Variants in POTEC observed in about 807,000 individuals in gnomAD.
The protein encoded by POTEC is ANKRD26-like family B member 2.
Under a neutral mutation model 62.0 loss-of-function variants are expected in POTEC, and 35 were observed. That is an observed-to-expected ratio of 0.56 (90% CI 0.43 to 0.75). The LOEUF (loss-of-function observed/expected upper bound fraction) is 0.75, where lower values mean the gene tolerates loss of function less well. POTEC is among the 30% of genes least tolerant of loss of function. The probability of loss-of-function intolerance (pLI) is 0.00; values close to 1 mark genes in which losing one functional copy is unlikely to be tolerated. For synonymous variants in POTEC, 156 were observed against 221.5 expected, an observed-to-expected ratio of 0.70 and a Z score of 2.62; for missense variants, 472 against 655.9, an observed-to-expected ratio of 0.72 and a Z score of 3.06.
chr18:14,536,784 A>C (rs1163927953), intron 3 of POTEC, among the ~76,000 whole-genome samples: 1 of 152,154 alleles, frequency 6.6e-6, no homozygotes, highest in Non-Finnish European at 1.5e-5. Context: ...TCATTTGCTG[A>C]AAACACCACA....
intron 9 of POTEC, among the ~76,000 whole-genome samples, 176 bp downstream of exon 9, chr18:14,522,078 T>C (rs1053826894): frequency 4.1e-4 from 62 of 151,318 alleles, no homozygotes; most frequent in African/African-American, 1.4e-3. Context: ...TTCAAATAAA[T>C]TAATGACTGG....
At chr18:14,513,551 A>ACG in intron 10 of POTEC, 111 bp downstream of exon 10, 2 of 1,485,350 alleles carry the variant, frequency 1.3e-6, no homozygotes, top group South Asian at 1.3e-5. Flanking sequence ...ACACACACAC[A>ACG]CACACACGTG....
chr18:14,530,578 A>G (rs1408911824), intron 5 of POTEC, 25 bp from the exon 6 acceptor site: 1 of 1,491,030 alleles, frequency 6.7e-7, no homozygotes, highest in South Asian at 1.2e-5. Context: ...GTAATAAACC[A>G]AATTACTATT....
intron 6 of POTEC, 89 bp downstream of exon 6, chr18:14,530,394 T>C: frequency 6.3e-7 from 1 of 1,585,626 alleles, no homozygotes; most frequent in Non-Finnish European, 8.6e-7. Context: ...CCCCAGCCCA[T>C]GGAAACACTG....
intron 6 of POTEC, among the ~76,000 whole-genome samples, chr18:14,526,928 C>A (rs1333680369): frequency 6.6e-6 from 1 of 152,044 alleles, no homozygotes; most frequent in African/African-American, 2.4e-5. Context: ...GTGGACACAG[C>A]TGAGATGATA....
chr18:14,532,511 AG>A (rs1905559070), intron 5 of POTEC, among the ~76,000 whole-genome samples: 1 of 152,196 alleles, frequency 6.6e-6, no homozygotes, highest in Non-Finnish European at 1.5e-5. Flanking sequence ...AACAATTACC[AG>A]GCAGCAGAAC....
intron 9 of POTEC, among the ~76,000 whole-genome samples, chr18:14,516,580 A>G (rs1186739818): frequency 6.9e-6 from 1 of 144,310 alleles, no homozygotes; most frequent in African/African-American, 2.7e-5. Flanking sequence ...CCATGATCCA[A>G]TACCTCCCAG....
intron 6 of POTEC, among the ~76,000 whole-genome samples, chr18:14,528,635 C>T (rs1177631769): frequency 6.6e-6 from 1 of 151,930 alleles, no homozygotes; most frequent in African/African-American, 2.4e-5. Flanking sequence ...GCCAACAGCA[C>T]AGCTGAAAGA....
chr18:14,529,170 T>C, intron 6 of POTEC: 1 of 337,592 alleles, frequency 3.0e-6, no homozygotes, highest in Non-Finnish European at 5.8e-6. Flanking sequence ...ATTATAAGCT[T>C]CCAGTGGGCA....
chr18:14,520,929 C>A (rs996583338), intron 9 of POTEC, among the ~76,000 whole-genome samples: 6 of 152,066 alleles, frequency 3.9e-5, no homozygotes, highest in African/African-American at 1.4e-4. Context: ...GAGCTGTGAT[C>A]ACACAATTGC....
intron 1 of POTEC, among the ~76,000 whole-genome samples, chr18:14,541,715 T>G (rs1220654792): frequency 1.3e-5 from 2 of 152,034 alleles, no homozygotes; most frequent in Admixed American, 1.3e-4. Flanking sequence ...TTTGTATCTT[T>G]AAAATTTTTA....
At chr18:14,517,364 T>C (rs1380460161) in intron 9 of POTEC, among the ~76,000 whole-genome samples, 5 of 152,212 alleles carry the variant, frequency 3.3e-5, no homozygotes, top group African/African-American at 7.2e-5. Flanking sequence ...CCAATATCAA[T>C]GTGAGCAGCT....
At chr18:14,539,531 T>C (rs1365828735) in intron 1 of POTEC, among the ~76,000 whole-genome samples, 6 of 148,212 alleles carry the variant, frequency 4.0e-5, no homozygotes, top group Non-Finnish European at 8.9e-5. Context: ...ACGCAGTATT[T>C]GGTTTTCTCT....
rs542255190 is a variant in POTEC at position 14,543,033 on chromosome 18, G to C, written c.114C>G (p.Ser38Arg). The C allele has an allele frequency of 3.7e-6, 6 of 1,605,846 alleles. No individual in the cohort carries two copies. The East Asian group carries it at 1.4e-4, about 36-fold the overall frequency. The stretch of plus-strand genomic sequence containing the variant: ...CAGAAGTGCCCATGTTGCTCTTGCC[G>C]CTCCCCTTGCAGCAGGGGAAGCGGT... ...FHHRFPCCKGSGKSNMGTSGD... is the reference protein window; with the variant it reads ...FHHRFPCCKGRGKSNMGTSGD... The change falls in exon 1 of 11, where the codon AGC becomes AGG. Residue 38 changes from serine to arginine, a missense_variant. Physicochemically the swap from Ser to Arg is moderately radical, Grantham distance 110. Coordinates refer to ENST00000358970, the MANE Select transcript of POTEC (RefSeq NM_001137671.2).
chr18:14,534,433 T>G (rs897449948), intron 4 of POTEC, among the ~76,000 whole-genome samples: 1 of 152,042 alleles, frequency 6.6e-6, no homozygotes, highest in African/African-American at 2.4e-5. Context: ...AACATTAATA[T>G]TCTTCAAAGA....
At chr18:14,528,888 T>C (rs1910507322) in intron 6 of POTEC, 9 of 450,978 alleles carry the variant, frequency 2.0e-5, no homozygotes, top group Admixed American at 1.9e-4. Flanking sequence ...CTAGCAAAAG[T>C]GAACTGCTCA....
At position 14,508,631 on chromosome 18, in the gene POTEC, T is replaced by C. The variant is rs927169631; in HGVS notation, c.*3267A>G. 3.9e-5 allele frequency: 6 copies of C among 152,688 alleles called. No homozygotes were observed. Among genetic ancestry groups the C allele is most frequent in the African/African-American group, 1.4e-4 (6 of 41,468 alleles). 9.5% of individuals were successfully genotyped at this position (152,688 alleles called of 1,614,324 possible). ...TGTTAGTTCCTGCAATGTTTTACAA[T>C]GATTTTTAGCTTCCTTGTATTGGAT... On this transcript the variant is annotated 3_prime_UTR_variant, in exon 11 of 11. Transcript: ENST00000358970.
rs776485592 is a variant in POTEC, at chr18:14,513,667, A to G, written c.1528T>C (p.Ser510Pro). ...AAAATGACTAAAGAAAATACCTCAG[A>G]ATTCATTTTCTTTTCAGCCACTTCT... ...QIEVAEKKMN[S>P]ELSLSHKKEE... The change falls in exon 10 of 11, where the codon TCT becomes CCT. Residue 510 changes from serine (S) to proline (P), a missense_variant. By Grantham distance (74) the Ser-to-Pro change is moderately conservative. Transcript: ENST00000358970. The G allele has an allele frequency of 5.0e-6, 8 of 1,611,698 alleles. No homozygotes were observed. The South Asian group carries it at 8.8e-5, about 18-fold the overall frequency.
Position 14,543,072 on chromosome 18 carries a change from G to T in POTEC, c.75C>A (p.Gly25=), listed in dbSNP as rs766857822. 1 of 1,613,130 alleles carries T rather than the reference G, an allele frequency of 6.2e-7. No homozygotes were observed. The highest frequency in any genetic ancestry group is 1.3e-5 in the African/African-American group (1 of 74,246). Residue 25 remains glycine (G), a synonymous_variant, in exon 1 of 11, where the codon GGC becomes GGA. Transcript: ENST00000358970. ...KKPFDLRSKM[G]KWFHHRFPCC... is the part of the protein sequence containing the mutation. ...AGGGGAAGCGGTGGTGAAACCACTT[G>T]CCCATCTTGCTCCTGAGATCGAATG...
Sources: gnomAD v4.1 joint callset for allele counts (sites outside exome capture counted in the v4.1 genomes callset) on GRCh38, gnomAD v4.1.1 for gene constraint, MANE v1.5 for transcripts, NCBI Gene and HGNC (gene_info 2026-07-23, HGNC 2026-07-21) for gene names.